The following MGAT4C variants were observed in gnomAD, a reference collection of about 807,000 sequenced individuals.
The protein encoded by MGAT4C is MGAT4 family member C.
A neutral mutation model predicts 40.1 loss-of-function variants in MGAT4C; 19 were observed. The ratio of observed to expected loss-of-function variants is 0.47; its 90% CI spans 0.33 to 0.70. The LOEUF is 0.70. Among genes scored for constraint, MGAT4C ranks in the 30% least tolerant of loss-of-function variants. MGAT4C has a pLI of 0.02. For missense variants in MGAT4C, 491 were observed against 563.2 expected, an observed-to-expected ratio of 0.87 and a Z score of 1.30; for synonymous variants, 181 against 187.1, an observed-to-expected ratio of 0.97 and a Z score of 0.27.
At chr12:86,358,470 C>T (rs935473336) in intron 3 of MGAT4C, among the ~76,000 whole-genome samples, 1 of 152,090 alleles carries the variant, frequency 6.6e-6, no homozygotes, top group African/African-American at 2.4e-5. Context: ...CAAATTCACA[C>T]ATAACAATAT....
chr12:86,833,674 C>T (rs1358910381), intron 1 of MGAT4C, among the ~76,000 whole-genome samples: 1 of 151,916 alleles, frequency 6.6e-6, no homozygotes, highest in Admixed American at 6.6e-5. Flanking sequence ...AATATAGTCA[C>T]ATTCTGAGAT....
intron 2 of MGAT4C, among the ~76,000 whole-genome samples, chr12:86,644,385 A>C (rs1963477032): frequency 6.6e-6 from 1 of 150,702 alleles, no homozygotes; most frequent in Non-Finnish European, 1.5e-5. Context: ...TAAGATGAAA[A>C]CTATGTATTA....
rs182620364 is a variant in MGAT4C, at chr12:86,109,027, T to C, written c.-56-59304A>G. ...GAATCACACAGATGACAGTATAGAA[T>C]TATCTGACTCCTGAAGGGAAGCAGA... On this transcript the variant is annotated intron_variant, in intron 1 of 4. Transcript: ENST00000611864. Among the ~76,000 whole-genome samples, 11 of 152,224 alleles carry C rather than the reference T, an allele frequency of 7.2e-5. No homozygotes were observed. The East Asian group carries it at 2.1e-3, about 29-fold the overall frequency.
At chr12:86,705,248 ATCT>A (rs1176072337) in intron 2 of MGAT4C, among the ~76,000 whole-genome samples, 2 of 151,826 alleles carry the variant, frequency 1.3e-5, no homozygotes, top group Non-Finnish European at 2.9e-5. Context: ...CTATCTATCT[ATCT>A]ATCTATCTAT....
At chr12:86,559,034 G>C (rs1390541452) in intron 2 of MGAT4C, among the ~76,000 whole-genome samples, 1 of 151,610 alleles carries the variant, frequency 6.6e-6, no homozygotes, top group African/African-American at 2.4e-5. Flanking sequence ...ATGTGAGCAG[G>C]CATACCTATA....
At chr12:86,136,244 C>G (rs1452507764) in intron 1 of MGAT4C, among the ~76,000 whole-genome samples, 1 of 151,992 alleles carries the variant, frequency 6.6e-6, no homozygotes, top group African/African-American at 2.4e-5. Flanking sequence ...AACAGGGGCT[C>G]TATTTGGTGG....
chr12:86,580,470 A>G (rs900278528), intron 2 of MGAT4C, among the ~76,000 whole-genome samples: 1 of 151,462 alleles, frequency 6.6e-6, no homozygotes. Flanking sequence ...CAATGAATGA[A>G]ATAATAATGC....
chr12:86,157,682 CATGGAGGAAGGTG>C (rs1270376544), intron 1 of MGAT4C, among the ~76,000 whole-genome samples: 1 of 152,034 alleles, frequency 6.6e-6, no homozygotes, highest in Non-Finnish European at 1.5e-5. Flanking sequence ...AACTTACAAT[CATGGAGGAAGGTG>C]AAGGAAAAGA....
rs532680359 is a variant in MGAT4C, at chr12:86,473,322, T to C, written c.-228-38057A>G. Among the ~76,000 whole-genome samples, 9 of 152,248 alleles carry C rather than the reference T, an allele frequency of 5.9e-5. No individual in the cohort carries two copies. In the South Asian group the frequency reaches 1.4e-3, roughly 24 times the overall value. On this transcript the variant is annotated intron_variant, in intron 2 of 7. Coordinates refer to the MGAT4C transcript ENST00000548651. ...AATCACCAAGAAATCCGAAATGACA[T>C]CCAGACAGCAAGTAATGCCAACTCT...
chr12:86,835,387 T>C (rs1331899085), intron 1 of MGAT4C, among the ~76,000 whole-genome samples: 1 of 152,016 alleles, frequency 6.6e-6, no homozygotes, highest in Non-Finnish European at 1.5e-5. Flanking sequence ...GCAGAAGCTG[T>C]CTTTTATTTT....
rs1555227764 is a variant in MGAT4C, at chr12:86,774,315, C to CTTTCTTTCTTTCTT, written c.-261-47088_-261-47075dup. Among the ~76,000 whole-genome samples, 147 of 59,394 alleles carry CTTTCTTTCTTTCTT rather than the reference C, an allele frequency of 2.5e-3. 9 individuals carry two copies. The highest frequency in any genetic ancestry group is 7.1e-3 in the Middle Eastern group (1 of 140). The allele number at this position is 59,394 out of a possible 152,430, so 39.0% of individuals were successfully genotyped here. ...TCTTTCTTTCTTTCTTTCTTTCTTT[C>CTTTCTTTCTTTCTT]TTTCTTTCTTTCTTTCTTTCTTTCT... is the stretch of plus-strand genomic sequence containing the variant. On this transcript the variant is annotated intron_variant, in intron 1 of 7. Transcript: ENST00000548651.
At position 86,570,155 on chromosome 12, in the gene MGAT4C, G is replaced by A. The variant is rs116933324; in HGVS notation, c.-228-134890C>T. On this transcript the variant is annotated intron_variant, in intron 2 of 7. Transcript: ENST00000548651. ...AACTAACAATGACAATAGTTAATAC[G>A]TTGTACAATTGAAAATAGCTAAAAG... 3.9e-3 allele frequency among the ~76,000 whole-genome samples: 590 copies of A among 152,078 alleles called. 3 individuals are homozygous for A. Among genetic ancestry groups the A allele is most frequent in the Admixed American group, 8.9e-3 (136 of 15,270 alleles).
intron 3 of MGAT4C, among the ~76,000 whole-genome samples, chr12:86,395,203 C>A (rs939659871): frequency 6.6e-6 from 1 of 152,098 alleles, no homozygotes; most frequent in Non-Finnish European, 1.5e-5. Flanking sequence ...AATTTGAGAT[C>A]TCAGATCTAA....
chr12:86,382,068 G>C (rs967942843), intron 3 of MGAT4C, among the ~76,000 whole-genome samples: 1 of 152,176 alleles, frequency 6.6e-6, no homozygotes, highest in Non-Finnish European at 1.5e-5. Context: ...TTGGAACTGG[G>C]TAATAGGCAG....
At chr12:86,154,467 CT>C (rs1566061411) in intron 1 of MGAT4C, among the ~76,000 whole-genome samples, 2 of 152,128 alleles carry the variant, frequency 1.3e-5, no homozygotes, top group Admixed American at 1.3e-4. Flanking sequence ...CTGTGGTCAG[CT>C]TTTTTGAGCC....
At chr12:86,363,278 A>C (rs1479451383) in intron 3 of MGAT4C, among the ~76,000 whole-genome samples, 1 of 152,134 alleles carries the variant, frequency 6.6e-6, no homozygotes, top group African/African-American at 2.4e-5. Flanking sequence ...AACAGACTTA[A>C]ATTTAGAAGA....
At position 85,969,954 on chromosome 12, in the gene MGAT4C, A is replaced by G. The variant is rs1883540318; in HGVS notation, c.*9335T>C. On this transcript the variant is annotated 3_prime_UTR_variant, in exon 5 of 5. Transcript: ENST00000611864. ...TCTCATAGTTGCTTGGAACATATTT[A>G]TGTAGTAAGCATTGTTCTTGGCTGA... 1 of 151,448 alleles carries G rather than the reference A, an allele frequency of 6.6e-6. No homozygotes were observed. Among genetic ancestry groups the G allele is most frequent in the African/African-American group, 2.4e-5 (1 of 41,366 alleles). The allele number at this position is 151,448 out of a possible 1,614,324, so 9.4% of individuals were successfully genotyped here.
chr12:86,128,751 A>G (rs1303256336), intron 1 of MGAT4C, among the ~76,000 whole-genome samples: 1 of 152,206 alleles, frequency 6.6e-6, no homozygotes, highest in East Asian at 1.9e-4. Flanking sequence ...GCTGCATTTA[A>G]TAAAGTATTA....
At chr12:86,131,760 C>A (rs61932265) in intron 1 of MGAT4C, among the ~76,000 whole-genome samples, 11,433 of 151,034 alleles carry the variant, frequency 0.076, 588 homozygotes, top group Middle Eastern at 0.22. Context: ...TTTCAGCCTG[C>A]ACAATACAAC....
Sources: gnomAD v4.1 joint callset for allele counts (sites outside exome capture counted in the v4.1 genomes callset) on GRCh38, gnomAD v4.1.1 for gene constraint, MANE v1.5 for transcripts, NCBI Gene and HGNC (gene_info 2026-07-23, HGNC 2026-07-21) for gene names.